Variants in CLEC18A observed in about 807,000 individuals in gnomAD.
CLEC18A encodes mannose receptor-like 1.
A neutral mutation model predicts 24.0 loss-of-function variants in CLEC18A; 5 were observed. The ratio of observed to expected loss-of-function variants is 0.21; its 90% CI spans 0.11 to 0.44. The LOEUF (loss-of-function observed/expected upper bound fraction) is 0.44, where lower values mean the gene tolerates loss of function less well. Among genes scored for constraint, CLEC18A ranks in the 20% least tolerant of loss-of-function variants. CLEC18A has a pLI of 0.99. For missense variants in CLEC18A, 83 were observed against 233.4 expected, an observed-to-expected ratio of 0.36 and a Z score of 4.20; for synonymous variants, 29 against 100.1, an observed-to-expected ratio of 0.29 and a Z score of 4.24.
intron 3 of CLEC18A, among the ~76,000 whole-genome samples, chr16:69,954,878 T>C (rs1368457017): frequency 6.6e-6 from 1 of 152,080 alleles, no homozygotes; most frequent in African/African-American, 2.4e-5. Flanking sequence ...CTTTATACTT[T>C]TAGTAGAGAT....
chr16:69,944,718 C>T, the CLEC18A span, among the ~76,000 whole-genome samples: 1 of 138,816 alleles, frequency 7.2e-6, no homozygotes, highest in Non-Finnish European at 1.5e-5. Flanking sequence ...TGCCTGTAGT[C>T]CCGGCTACTC....
chr16:69,950,481 C>T (rs2058932295), upstream of CLEC18A, among the ~76,000 whole-genome samples: 2 of 109,044 alleles, frequency 1.8e-5, 1 homozygote. Context: ...CCAGCCACGG[C>T]CGGGCCACGG....
intron 3 of CLEC18A, among the ~76,000 whole-genome samples, chr16:69,955,310 C>CT (rs1025946725): frequency 6.6e-6 from 1 of 151,338 alleles, no homozygotes; most frequent in Non-Finnish European, 1.5e-5. Flanking sequence ...GCCTAAGCCA[C>CT]TTTTTTTCAA....
chr16:69,948,374 G>GGT (rs770310467), upstream of CLEC18A, among the ~76,000 whole-genome samples: 3 of 126,534 alleles, frequency 2.4e-5, no homozygotes, highest in Admixed American at 8.0e-5. Context: ...AGAGTTAAAT[G>GGT]TTTTTTTTGT....
At chr16:69,955,500 G>A in intron 3 of CLEC18A, among the ~76,000 whole-genome samples, 1 of 151,260 alleles carries the variant, frequency 6.6e-6, no homozygotes. Flanking sequence ...ACAGGCACGA[G>A]CCACCACACC....
upstream of CLEC18A, among the ~76,000 whole-genome samples, chr16:69,948,837 G>A (rs904733440): frequency 3.0e-5 from 4 of 133,660 alleles, no homozygotes; most frequent in Non-Finnish European, 6.3e-5. Context: ...CCATCCTCAG[G>A]GTCACACAGC....
chr16:69,963,045 A>C lies in CLEC18A; in HGVS notation c.1281A>C (p.Arg427=), dbSNP rs540459346. 1 of 1,613,668 alleles carries C rather than the reference A, an allele frequency of 6.2e-7. No homozygotes were observed. Among genetic ancestry groups the C allele is most frequent in the African/African-American group, 1.3e-5 (1 of 75,030 alleles). The change falls in exon 11 of 12, where the codon CGA becomes CGC. Residue 427 remains arginine (R), a synonymous_variant. Transcript: ENST00000288040. The part of the protein sequence containing the change: ...FNWNDQRCKT[R]NRYICQFAQE... ...GGAACGACCAGCGCTGCAAAACCCG[A>C]AACCGTTACATCTGCCAGTTTGGTG...
At chr16:69,953,164 C>T (rs2058978525) in intron 2 of CLEC18A, 1 of 152,432 alleles carries the variant, frequency 6.6e-6, no homozygotes, top group African/African-American at 2.4e-5. Flanking sequence ...CAGCCTCCCT[C>T]GTGGCCCGGC....
Position 69,963,711 on chromosome 16 carries a change from C to T in CLEC18A, c.*100C>T. 1.6e-6 allele frequency: 2 copies of T among 1,233,882 alleles called. No homozygotes were observed. Among genetic ancestry groups the T allele is most frequent in the East Asian group, 4.7e-5 (2 of 42,436 alleles). 76.4% of individuals were successfully genotyped at this position (1,233,882 alleles called of 1,614,324 possible). ...CAAGGGCCAGGTTAAGATCACATGC[C>T]TCATGTCCAAAGAGGTCTCAGACCT... On this transcript the variant is annotated 3_prime_UTR_variant, in exon 12 of 12. Transcript: ENST00000288040.
At chr16:69,953,232 AG>A (rs1444234828) in intron 2 of CLEC18A, 1 of 152,106 alleles carries the variant, frequency 6.6e-6, no homozygotes, top group African/African-American at 2.4e-5. Flanking sequence ...GACACAGTGG[AG>A]ACTGAAGGTC....
chr16:69,964,805 A>AT (rs1597217449), downstream of CLEC18A, among the ~76,000 whole-genome samples: 2 of 145,246 alleles, frequency 1.4e-5, no homozygotes, highest in African/African-American at 5.1e-5. Flanking sequence ...GCCCGGCCCT[A>AT]TTTTTTTCTT....
At chr16:69,948,607 A>T (rs1234195215), upstream of CLEC18A, among the ~76,000 whole-genome samples, 1 of 151,610 alleles carries the variant, frequency 6.6e-6, no homozygotes, top group Non-Finnish European at 1.5e-5. Context: ...TGGGTGGTGG[A>T]TGTAAACCCT....
downstream of CLEC18A, among the ~76,000 whole-genome samples, chr16:69,966,461 G>A (rs897759291): frequency 1.6e-4 from 22 of 139,566 alleles, no homozygotes; most frequent in African/African-American, 5.0e-4. Context: ...ATGGTGATGC[G>A]AATGACCTCT....
chr16:69,945,776 T>C (rs1200708575), upstream of CLEC18A, among the ~76,000 whole-genome samples: 1 of 152,244 alleles, frequency 6.6e-6, no homozygotes, highest in African/African-American at 2.4e-5. Flanking sequence ...CTGGCCAACA[T>C]GGTGAAATCT....
upstream of CLEC18A, among the ~76,000 whole-genome samples, chr16:69,946,226 A>T (rs963271211): frequency 7.6e-6 from 1 of 131,388 alleles, no homozygotes; most frequent in African/African-American, 2.6e-5. Flanking sequence ...GTAGGAAGAG[A>T]TCAGGCCACT....
downstream of CLEC18A, among the ~76,000 whole-genome samples, chr16:69,964,897 G>T (rs1393807126): frequency 6.6e-6 from 1 of 152,060 alleles, no homozygotes; most frequent in Admixed American, 6.5e-5. Flanking sequence ...GAACTCCCAG[G>T]CTCAAGCGAT....
At chr16:69,948,649 C>G (rs2058916121), upstream of CLEC18A, among the ~76,000 whole-genome samples, 1 of 149,928 alleles carries the variant, frequency 6.7e-6, no homozygotes, top group Admixed American at 6.7e-5. Flanking sequence ...AGCTGCCTTG[C>G]AACAATGAGG....
At chr16:69,964,779 A>T (rs1292865378), downstream of CLEC18A, among the ~76,000 whole-genome samples, 1 of 151,588 alleles carries the variant, frequency 6.6e-6, no homozygotes, top group Non-Finnish European at 1.5e-5. Flanking sequence ...CTGGGATGAC[A>T]GGCGTGAGCC....
At chr16:69,957,276 C>T (rs560762878) in intron 3 of CLEC18A, among the ~76,000 whole-genome samples, 322 of 148,316 alleles carry the variant, frequency 2.2e-3, no homozygotes, top group African/African-American at 7.2e-3. Context: ...GATCTTCTCA[C>T]CTCAGGTCCG....
Sources: allele counts gnomAD v4.1 joint callset (sites outside exome capture counted in the v4.1 genomes callset), GRCh38; gene constraint gnomAD v4.1.1; transcripts MANE v1.5; gene names NCBI Gene and HGNC (gene_info 2026-07-23, HGNC 2026-07-21).